Variants in SLC23A2 observed in about 807,000 individuals in gnomAD.
SLC23A2 encodes Na(+)/L-ascorbic acid transporter 2.
Under a neutral mutation model 73.3 loss-of-function variants are expected in SLC23A2, and 36 were observed. The observed-to-expected ratio is 0.49, with a 90% CI of 0.38 to 0.65. SLC23A2 has a LOEUF of 0.65. Ranked by LOEUF, SLC23A2 falls within the 30% of genes least tolerant of loss-of-function variation. The pLI, the probability that SLC23A2 is intolerant of heterozygous loss-of-function variation, is 0.00. For synonymous variants in SLC23A2, 343 were observed against 327.3 expected (o/e 1.05, Z -0.52); for missense variants, 507 against 841.6 (o/e 0.60, Z 4.92).
chr20:4,994,792 A>G lies in SLC23A2; in HGVS notation c.-282+6614T>C, dbSNP rs112426631. On this transcript the variant is annotated intron_variant, in intron 1 of 16. Coordinates refer to ENST00000338244, the MANE Select transcript of SLC23A2 (RefSeq NM_005116.6). The stretch of plus-strand genomic sequence containing the variant: ...AAATATGAAAATACAAAAATTAGCC[A>G]GGCGCAGTTGCAGTGACCGTAATCC... Among the ~76,000 whole-genome samples, 1,020 of 151,864 alleles carry G rather than the reference A, an allele frequency of 6.7e-3. 17 individuals are homozygous for G. Among genetic ancestry groups the G allele is most frequent in the African/African-American group, 0.023 (972 of 41,438 alleles).
intron 2 of SLC23A2, among the ~76,000 whole-genome samples, chr20:4,941,271 T>A (rs2087036839): frequency 6.6e-6 from 1 of 152,064 alleles, no homozygotes; most frequent in Non-Finnish European, 1.5e-5. Flanking sequence ...TGCACGCCTA[T>A]AATCTTAGTA....
intron 2 of SLC23A2, among the ~76,000 whole-genome samples, chr20:4,957,542 G>T (rs888956066): frequency 6.7e-6 from 1 of 148,802 alleles, no homozygotes; most frequent in Non-Finnish European, 1.5e-5. Context: ...AACTTTGATG[G>T]TCTTATCCCA....
chr20:4,909,113 T>A (rs1176104229), intron 4 of SLC23A2, among the ~76,000 whole-genome samples: 4 of 152,208 alleles, frequency 2.6e-5, no homozygotes. Flanking sequence ...CTGGGGCATC[T>A]GTTTGTGTGT....
intron 2 of SLC23A2, among the ~76,000 whole-genome samples, chr20:4,941,727 A>G (rs1190166709): frequency 2.6e-5 from 4 of 152,130 alleles, no homozygotes; most frequent in African/African-American, 7.2e-5. Context: ...AAAGTTGTTA[A>G]TAAGGTAGAT....
At chr20:4,980,560 C>G (rs1209716306) in intron 1 of SLC23A2, among the ~76,000 whole-genome samples, 2 of 149,230 alleles carry the variant, frequency 1.3e-5, no homozygotes, top group African/African-American at 2.5e-5. Flanking sequence ...GAGACGGGGT[C>G]TCATTCTGTG....
At position 4,868,064 on chromosome 20, in the gene SLC23A2, G is replaced by C. The variant is rs377074123; in HGVS notation, c.1251-189C>G. On this transcript the variant is annotated intron_variant, in intron 12 of 16. Transcript: ENST00000338244. The surrounding 1 kb of genome is among the most constrained non-coding windows in gnomAD (Gnocchi z 4.4). ...ACCCCAGACCTGCTGAAGCAGAAAA[G>C]AATCTGCATTTTTTTTTTTTTTTTT... Among the ~76,000 whole-genome samples the C allele has an allele frequency of 7.2e-6, 1 of 138,100 alleles. No homozygotes were observed. The highest frequency in any genetic ancestry group is 1.5e-5 in the Non-Finnish European group (1 of 64,692). 90.6% of individuals were successfully genotyped at this position (138,100 alleles called of 152,430 possible). A position where few individuals can be genotyped will look rare whatever the true frequency, so the allele number is the denominator to read the frequency against.
At chr20:4,911,553 A>G (rs1932150838) in intron 4 of SLC23A2, among the ~76,000 whole-genome samples, 3 of 152,210 alleles carry the variant, frequency 2.0e-5, no homozygotes, top group Admixed American at 1.3e-4. Context: ...TAGAATACAT[A>G]GTATACACTG....
intron 4 of SLC23A2, among the ~76,000 whole-genome samples, chr20:4,911,145 G>A (rs948397128): frequency 5.3e-5 from 8 of 152,318 alleles, no homozygotes; most frequent in South Asian, 2.1e-4. Flanking sequence ...CCGTGTGAAA[G>A]CTGCGGCCCG....
intron 2 of SLC23A2, among the ~76,000 whole-genome samples, chr20:4,940,754 T>C (rs947504584): frequency 6.6e-6 from 1 of 152,232 alleles, no homozygotes; most frequent in African/African-American, 2.4e-5. Context: ...TACTGCATGA[T>C]TCCACTTACG....
At chr20:4,916,423 G>T (rs1368853536) in intron 3 of SLC23A2, among the ~76,000 whole-genome samples, 2 of 152,166 alleles carry the variant, frequency 1.3e-5, no homozygotes, top group African/African-American at 2.4e-5. Flanking sequence ...CCAGTAAGGG[G>T]TTTCCTTTGC....
chr20:4,884,636 G>A (rs1931024890), intron 8 of SLC23A2, 117 bp downstream of exon 8: 8 of 742,830 alleles, frequency 1.1e-5, no homozygotes, highest in African/African-American at 3.5e-5. Flanking sequence ...TAAACTATCA[G>A]TAATTGAAAA....
rs141341139 is a variant in SLC23A2, at chr20:4,970,334, A to G, written c.-155+459T>C. 3.1e-3 allele frequency among the ~76,000 whole-genome samples: 476 copies of G among 152,286 alleles called. 3 individuals carry two copies. The highest frequency in any genetic ancestry group is 0.011 in the African/African-American group (467 of 41,556). On this transcript the variant is annotated intron_variant, in intron 2 of 16. Coordinates refer to ENST00000338244, the MANE Select transcript of SLC23A2 (RefSeq NM_005116.6). Reference sequence around the variant, plus strand: ...CATTAACCTAACAATTCATTATTCCAAAGGTTGTGCATTTAGACCGTTCTC... The same window carrying G: ...CATTAACCTAACAATTCATTATTCCGAAGGTTGTGCATTTAGACCGTTCTC...
chr20:4,993,173 C>A (rs1307491077), intron 1 of SLC23A2, among the ~76,000 whole-genome samples: 1 of 151,640 alleles, frequency 6.6e-6, no homozygotes, highest in African/African-American at 2.4e-5. Flanking sequence ...AGTCCCAGCT[C>A]CTAGGGAGGC....
chr20:4,865,716 C>T (rs935611957), intron 13 of SLC23A2, among the ~76,000 whole-genome samples: 18 of 152,226 alleles, frequency 1.2e-4, no homozygotes, highest in Admixed American at 3.3e-4. Flanking sequence ...GACCGCCACT[C>T]TCCCCGCCTC....
intron 4 of SLC23A2, among the ~76,000 whole-genome samples, chr20:4,905,907 G>C (rs1267108318): frequency 6.6e-6 from 1 of 152,158 alleles, no homozygotes; most frequent in African/African-American, 2.4e-5. Flanking sequence ...ACCAAATTTG[G>C]CTTGCCAACC....
intron 2 of SLC23A2, among the ~76,000 whole-genome samples, chr20:4,958,086 T>A (rs1164952774): frequency 6.6e-6 from 1 of 152,174 alleles, no homozygotes; most frequent in East Asian, 1.9e-4. Context: ...AAATCCACTG[T>A]GAAGACTGTC....
rs926748793 is a variant in SLC23A2 at position 5,000,884 on chromosome 20, T to C, written c.-282+522A>G. On this transcript the variant is annotated intron_variant, in intron 1 of 16. Coordinates refer to ENST00000338244, the MANE Select transcript of SLC23A2 (RefSeq NM_005116.6). The stretch of plus-strand genomic sequence containing the variant: ...CTAAAATTACTTCGCGCAGTCTTTG[T>C]AGAAGGGAAGAAAGCAAGAATGTAA... Among the ~76,000 whole-genome samples the C allele has an allele frequency of 1.7e-4, 26 of 152,120 alleles. No homozygotes were observed. In the East Asian group the frequency reaches 3.5e-3, roughly 21 times the overall value.
rs1420252680 is a variant in SLC23A2, at chr20:4,869,977, C to T, written c.1179G>A (p.Glu393=). 2.5e-6 allele frequency: 4 copies of T among 1,613,750 alleles called. No homozygotes were observed. Among genetic ancestry groups the T allele is most frequent in the Non-Finnish European group, 3.4e-6 (4 of 1,179,798 alleles). Residue 393 remains glutamate (E), a synonymous_variant, in exon 12 of 17, where the codon GAG becomes GAA. Transcript: ENST00000338244. ...MLSAVVASII[E]SIGDYYACAR... is the part of the protein sequence containing the mutation. ...CACAGGCGTAGTAGTCACCAATAGACTCGATGATGCTGGCGACCACGGCAC... is the reference window on the plus strand; with the variant it reads ...CACAGGCGTAGTAGTCACCAATAGATTCGATGATGCTGGCGACCACGGCAC...
upstream of SLC23A2, chr20:5,001,604 C>T (rs2088128601): frequency 6.8e-6 from 1 of 147,686 alleles, no homozygotes; most frequent in Non-Finnish European, 1.5e-5. Flanking sequence ...CCGACCCCTG[C>T]CCTCGGGCCT....
Sources: gnomAD v4.1 joint callset for allele counts (sites outside exome capture counted in the v4.1 genomes callset) on GRCh38, gnomAD v4.1.1 for gene constraint, Gnocchi (gnomAD v3.1) non-coding constraint, MANE v1.5 for transcripts, NCBI Gene and HGNC (gene_info 2026-07-23, HGNC 2026-07-21) for gene names.